The following PUDP variants were observed in gnomAD, a reference collection of about 807,000 sequenced individuals.
PUDP encodes pseudouridine-5'-phosphatase.
PUDP carries 8 observed loss-of-function variants against 9.4 expected under a neutral mutation model. That is an observed-to-expected ratio of 0.85 (90% CI 0.50 to 1.53). The LOEUF (loss-of-function observed/expected upper bound fraction) is 1.53. PUDP is among the 40% of genes most tolerant of loss of function. The pLI is 0.00. For synonymous variants in PUDP, 99 were observed against 80.7 expected (o/e 1.23, Z -1.22); for missense variants, 188 against 189.7 (o/e 0.99, Z 0.05).
chrX:6,863,802 G>A lies in PUDP; in HGVS notation c.*247+113331C>T, dbSNP rs771993364. Among the ~76,000 whole-genome samples, 224 of 111,944 alleles carry A rather than the reference G, an allele frequency of 2.0e-3. 1 individual carries two copies. Among genetic ancestry groups the A allele is most frequent in the Non-Finnish European group, 2.9e-3 (155 of 53,176 alleles). ...TCTGTCCAATCAGTTACACTAGTCT[G>A]GGTTGTAAACCAGAATTGGGAGAGG... On this transcript the variant is annotated intron_variant and NMD_transcript_variant, in intron 3 of 3. Transcript: ENST00000655425.
intron 3 of PUDP, among the ~76,000 whole-genome samples, chrX:6,943,012 T>C (rs1270222517): frequency 8.9e-6 from 1 of 112,311 alleles, no homozygotes; most frequent in African/African-American, 3.2e-5. Context: ...TTGCAGTACT[T>C]TGCTTCAGCA....
At chrX:6,739,703 A>C (rs1405087498) in intron 3 of PUDP, among the ~76,000 whole-genome samples, 1 of 112,186 alleles carries the variant, frequency 8.9e-6, no homozygotes, top group African/African-American at 3.2e-5. Flanking sequence ...AATAATTTCC[A>C]CTATGTGATT....
chrX:6,735,669 C>T (rs769827842), intron 3 of PUDP, among the ~76,000 whole-genome samples: 2 of 111,468 alleles, frequency 1.8e-5, no homozygotes. Flanking sequence ...TCCCCTCCAC[C>T]TTGTAGTAAT....
chrX:6,887,956 G>A (rs911437638), intron 3 of PUDP, among the ~76,000 whole-genome samples: 1 of 111,500 alleles, frequency 9.0e-6, no homozygotes. Context: ...CTCAGAGACA[G>A]GGCAGACAGT....
At chrX:6,853,828 G>A (rs1406659496) in intron 3 of PUDP, among the ~76,000 whole-genome samples, 1 of 111,262 alleles carries the variant, frequency 9.0e-6, no homozygotes, top group Non-Finnish European at 1.9e-5. Flanking sequence ...CAATGGCGCA[G>A]TCTTGGCTCA....
chrX:7,106,561 A>T (rs776548965), intron 1 of PUDP, among the ~76,000 whole-genome samples: 7 of 112,309 alleles, frequency 6.2e-5, no homozygotes. Context: ...ACTGGCTCAC[A>T]CCCATTTCTA....
At chrX:7,140,717 T>C (rs1475091258) in intron 1 of PUDP, among the ~76,000 whole-genome samples, 2 of 111,864 alleles carry the variant, frequency 1.8e-5, no homozygotes, top group Admixed American at 1.9e-4. Context: ...TGTCCCATAT[T>C]ATACAGGCAT....
At chrX:7,113,339 T>C (rs1474793365) in intron 1 of PUDP, 2 of 113,423 alleles carry the variant, frequency 1.8e-5, no homozygotes, top group Admixed American at 1.9e-4. Context: ...GACGGTCTTA[T>C]GTGATGGTCA....
chrX:6,753,391 G>A (rs1296479699), intron 3 of PUDP, among the ~76,000 whole-genome samples: 1 of 112,193 alleles, frequency 8.9e-6, no homozygotes, highest in Admixed American at 9.5e-5. Context: ...ATTTGAGTTG[G>A]TTCTACATTT....
At chrX:6,908,217 A>G (rs1927797043) in intron 3 of PUDP, among the ~76,000 whole-genome samples, 1 of 112,686 alleles carries the variant, frequency 8.9e-6, no homozygotes, top group Non-Finnish European at 1.9e-5. Context: ...TCCAGGAGAC[A>G]GGGATTGATA....
At chrX:7,013,958 G>A (rs781514282) in intron 1 of PUDP, among the ~76,000 whole-genome samples, 1 of 111,479 alleles carries the variant, frequency 9.0e-6, no homozygotes, top group Non-Finnish European at 1.9e-5. Context: ...CACACACACA[G>A]GCTTGAAGGA....
chrX:6,987,365 A>G (rs1161837358), intron 1 of PUDP, among the ~76,000 whole-genome samples: 6 of 112,272 alleles, frequency 5.3e-5, no homozygotes, highest in Non-Finnish European at 1.9e-5. Context: ...CGATAAGGAA[A>G]CCAGCTTAAG....
At chrX:7,036,809 G>C (rs1307210450) in intron 1 of PUDP, among the ~76,000 whole-genome samples, 31 of 111,315 alleles carry the variant, frequency 2.8e-4, no homozygotes, top group Admixed American at 6.7e-4. Context: ...TCATTTATTA[G>C]TAATTTATTT....
intron 1 of PUDP, among the ~76,000 whole-genome samples, chrX:7,134,485 C>T (rs1034314439): frequency 2.7e-5 from 3 of 112,076 alleles, no homozygotes; most frequent in East Asian, 2.8e-4. Flanking sequence ...CAGGACAAGT[C>T]GCCTCAATTC....
At chrX:6,714,563 T>C (rs1432917123) in intron 1 of PUDP, among the ~76,000 whole-genome samples, 1 of 107,821 alleles carries the variant, frequency 9.3e-6, no homozygotes, top group African/African-American at 3.4e-5. Context: ...GATAGATAGA[T>C]ACAATAGCTA....
At chrX:6,718,238 A>C (rs761260643) in intron 1 of PUDP, among the ~76,000 whole-genome samples, 22 of 111,932 alleles carry the variant, frequency 2.0e-4, no homozygotes, top group African/African-American at 6.8e-4. Context: ...CAATCCTGCT[A>C]CAGGGTATAT....
At chrX:7,122,098 G>C (rs1403003025) in intron 1 of PUDP, among the ~76,000 whole-genome samples, 1 of 111,016 alleles carries the variant, frequency 9.0e-6, no homozygotes, top group Non-Finnish European at 1.9e-5. Context: ...TGAGGTAAGA[G>C]AATCGGTTGA....
intron 3 of PUDP, among the ~76,000 whole-genome samples, chrX:6,849,520 T>C (rs559884435): frequency 6.3e-5 from 7 of 111,724 alleles, no homozygotes; most frequent in South Asian, 7.7e-4. Context: ...CTAGATCATA[T>C]TGACCTGGCC....
intron 3 of PUDP, among the ~76,000 whole-genome samples, chrX:6,959,482 T>C (rs56363606): frequency 0.31 from 34,605 of 111,436 alleles, 4,581 homozygotes; most frequent in Non-Finnish European, 0.41. Flanking sequence ...GCAGGCATAC[T>C]GAATGCAAGC....
Sources: allele counts gnomAD v4.1 joint callset (sites outside exome capture counted in the v4.1 genomes callset), GRCh38; gene constraint gnomAD v4.1.1; transcripts MANE v1.5; gene names NCBI Gene and HGNC (gene_info 2026-07-23, HGNC 2026-07-21).